The following CDC23 variants were observed in gnomAD, a reference collection of about 807,000 sequenced individuals.
CDC23 encodes cell division cycle protein 23 homolog.
CDC23 carries 26 observed loss-of-function variants against 81.7 expected under a neutral mutation model. The observed-to-expected ratio is 0.32, with a 90% CI of 0.23 to 0.44. CDC23 has a LOEUF of 0.44. CDC23 is among the 20% of genes least tolerant of loss of function. The pLI, the probability that CDC23 is intolerant of heterozygous loss-of-function variation, is 1.00. For missense variants in CDC23, 519 were observed against 728.0 expected, an observed-to-expected ratio of 0.71 and a Z score of 3.30; for synonymous variants, 267 against 270.8, an observed-to-expected ratio of 0.99 and a Z score of 0.14.
chr5:138,204,620 C>CTCTTTTT (rs1182720240), intron 3 of CDC23, among the ~76,000 whole-genome samples: 1 of 123,230 alleles, frequency 8.1e-6, no homozygotes, highest in South Asian at 2.9e-4. Flanking sequence ...CATTCAGACT[C>CTCTTTTT]TCTTTTTTCT....
chr5:138,208,622 C>T (rs182204239), intron 2 of CDC23, among the ~76,000 whole-genome samples: 18 of 152,172 alleles, frequency 1.2e-4, no homozygotes, highest in Admixed American at 1.1e-3. Context: ...ATACTATAGG[C>T]CCAGCATAAA....
intron 2 of CDC23, 53 bp downstream of exon 2, chr5:138,212,938 T>C (rs1755130573): frequency 2.0e-6 from 3 of 1,511,378 alleles, no homozygotes; most frequent in Non-Finnish European, 2.8e-6. Context: ...TCAGTGGCTC[T>C]TGAGGCACAC....
chr5:138,202,831 T>C (rs764563829), intron 3 of CDC23, among the ~76,000 whole-genome samples: 2 of 152,180 alleles, frequency 1.3e-5, no homozygotes, highest in Non-Finnish European at 2.9e-5. Flanking sequence ...TGAAACATTA[T>C]AGTAAAGATT....
intron 9 of CDC23, among the ~76,000 whole-genome samples, chr5:138,195,594 TATATTA>T (rs1754882259): frequency 8.7e-6 from 1 of 114,732 alleles, no homozygotes; most frequent in African/African-American, 3.4e-5. Flanking sequence ...ATATATAATA[TATATTA>T]TATATGATAT....
chr5:138,202,054 G>A (rs977164343), intron 4 of CDC23, 59 bp downstream of exon 4: 2 of 1,187,242 alleles, frequency 1.7e-6, no homozygotes, highest in Non-Finnish European at 1.2e-6. Flanking sequence ...GGCTGTTGGA[G>A]GCATTTAAGT....
At chr5:138,195,582 TTA>T (rs1254558321) in intron 9 of CDC23, among the ~76,000 whole-genome samples, 2 of 58,154 alleles carry the variant, frequency 3.4e-5, no homozygotes, top group Admixed American at 3.0e-4. Context: ...ATATAATATA[TTA>T]TATATAATAT....
chr5:138,198,339 C>T, intron 8 of CDC23, 59 bp from the exon 9 acceptor site: 1 of 1,581,000 alleles, frequency 6.3e-7, no homozygotes, highest in Non-Finnish European at 8.7e-7. Context: ...AATTATTTTT[C>T]CTGTAGCTAA....
At chr5:138,201,778 G>C (rs1751535283) in intron 4 of CDC23, among the ~76,000 whole-genome samples, 1 of 152,154 alleles carries the variant, frequency 6.6e-6, no homozygotes, top group Non-Finnish European at 1.5e-5. Context: ...CTACTAATGG[G>C]TTTACAGTCA....
intron 13 of CDC23, 111 bp downstream of exon 13, chr5:138,191,363 C>T (rs1754824980): frequency 5.4e-6 from 5 of 918,910 alleles, no homozygotes; most frequent in Non-Finnish European, 9.2e-6. Flanking sequence ...CCTGCTACAT[C>T]CCTACACCTA....
chr5:138,213,249 T>C lies in CDC23; in HGVS notation c.64A>G (p.Ile22Val). The C allele has an allele frequency of 6.2e-7, 1 of 1,614,112 alleles. No homozygotes were observed. Among genetic ancestry groups the C allele is most frequent in the South Asian group, 1.1e-5 (1 of 91,074 alleles). The change falls in exon 1 of 16, where the codon ATA (isoleucine) becomes GTA (valine). Residue 22 changes from isoleucine (I) to valine (V), a missense_variant. This residue lies in a region of CDC23 where 126 missense variants were observed against 116.2 expected (regional missense o/e 1.08). Transcript: ENST00000394886. Reference sequence around the variant, plus strand: ...CGCAAATCTGAGAAATCGCTGTTTATGGACAGGACAGGCGCCACTGCCGCC... The same window carrying C: ...CGCAAATCTGAGAAATCGCTGTTTACGGACAGGACAGGCGCCACTGCCGCC... The part of the protein sequence containing the change: ...VTAAVAPVLS[I>V]NSDFSDLREI...
intron 3 of CDC23, 86 bp from the exon 4 acceptor site, chr5:138,202,241 G>T: frequency 1.0e-6 from 1 of 971,948 alleles, no homozygotes; most frequent in South Asian, 1.5e-5. Context: ...TACCTAAAGG[G>T]CCAAGTTCAA....
Position 138,189,615 on chromosome 5 carries a change from T to G in CDC23, c.1623+18A>C, listed in dbSNP as rs1754803376. ...CTAGCCTAAAATTCAAACCTTTTAT[T>G]AAAGAACTGATACTCACATCATTAA... On this transcript the variant is annotated intron_variant, in intron 15 of 15. Coordinates refer to ENST00000394886, the MANE Select transcript of CDC23 (RefSeq NM_004661.4). 6.2e-7 allele frequency: 1 copy of G among 1,602,708 alleles called. No homozygotes were observed. Among genetic ancestry groups the G allele is most frequent in the African/African-American group, 1.3e-5 (1 of 74,294 alleles).
chr5:138,189,581 T>C lies in CDC23; in HGVS notation c.1623+52A>G, dbSNP rs941521459. On this transcript the variant is annotated intron_variant, in intron 15 of 15. Transcript: ENST00000394886. Reference sequence around the variant, plus strand: ...CCAAGGTAGGCTTTCCACTTAAATATCTTATGTTCTAGCCTAAAATTCAAA... The same window carrying C: ...CCAAGGTAGGCTTTCCACTTAAATACCTTATGTTCTAGCCTAAAATTCAAA... 9 of 1,567,424 alleles carry C rather than the reference T, an allele frequency of 5.7e-6. No homozygotes were observed. In the African/African-American group the frequency reaches 1.2e-4, roughly 21 times the overall value.
At chr5:138,189,546 G>A (rs564711330) in intron 15 of CDC23, 87 bp downstream of exon 15, 37 of 1,365,236 alleles carry the variant, frequency 2.7e-5, no homozygotes, top group East Asian at 9.3e-5. Context: ...GGTGTGAGCC[G>A]CTTGCCTGGC....
At chr5:138,205,696 G>GAA (rs35284930) in intron 3 of CDC23, among the ~76,000 whole-genome samples, 46 of 126,998 alleles carry the variant, frequency 3.6e-4, no homozygotes, top group Admixed American at 2.5e-3. Context: ...TGGTAAATTG[G>GAA]AAAAAAAAAA....
At chr5:138,209,896 G>A (rs1755094861) in intron 2 of CDC23, among the ~76,000 whole-genome samples, 1 of 151,708 alleles carries the variant, frequency 6.6e-6, no homozygotes, top group African/African-American at 2.4e-5. Context: ...TAATACTCTT[G>A]CATTTTAATA....
intron 15 of CDC23, among the ~76,000 whole-genome samples, chr5:138,189,409 G>A (rs1467315219): frequency 1.3e-5 from 2 of 151,836 alleles, no homozygotes; most frequent in Non-Finnish European, 2.9e-5. Context: ...CCACAGGCAT[G>A]CACCACCAAA....
intron 2 of CDC23, among the ~76,000 whole-genome samples, chr5:138,210,016 C>T (rs1755096113): frequency 6.6e-6 from 1 of 151,934 alleles, no homozygotes; most frequent in South Asian, 2.1e-4. Context: ...GAGTTCGAGA[C>T]CAGCCTGGCC....
At chr5:138,211,519 C>G (rs1235238354) in intron 2 of CDC23, among the ~76,000 whole-genome samples, 1 of 152,080 alleles carries the variant, frequency 6.6e-6, no homozygotes, top group Non-Finnish European at 1.5e-5. Context: ...AAAAGTTACC[C>G]AGGCGTGGTG....
Sources: allele counts gnomAD v4.1 joint callset (sites outside exome capture counted in the v4.1 genomes callset), GRCh38; gene constraint gnomAD v4.1.1; regional missense constraint gnomAD v4.1.1; transcripts MANE v1.5; gene names NCBI Gene and HGNC (gene_info 2026-07-23, HGNC 2026-07-21).